FRMPD4: variants seen among roughly 807,000 people sequenced by gnomAD.
FRMPD4 encodes the protein FERM and PDZ domain-containing protein 4.
In FRMPD4, 22 loss-of-function variants were observed where a neutral mutation model predicts 94.1. That is an observed-to-expected ratio of 0.23 (90% confidence interval 0.17 to 0.33). FRMPD4 has a LOEUF of 0.33. Among genes scored for constraint, FRMPD4 ranks in the 10% least tolerant of loss-of-function variants. The pLI, the probability that FRMPD4 is intolerant of heterozygous loss-of-function variation, is 1.00. For synonymous variants in FRMPD4, 631 were observed against 548.6 expected (o/e 1.15, Z -2.10); for missense variants, 1,111 against 1,339.9 (o/e 0.83, Z 2.67).
intron 1 of FRMPD4, among the ~76,000 whole-genome samples, chrX:12,219,574 A>C (rs894381086): frequency 5.4e-5 from 6 of 112,145 alleles, no homozygotes; most frequent in Middle Eastern, 4.6e-3. Context: ...ACTATTAATA[A>C]TGTTTTAAAA....
At chrX:12,421,881 C>T (rs2056888521) in intron 1 of FRMPD4, among the ~76,000 whole-genome samples, 1 of 110,394 alleles carries the variant, frequency 9.1e-6, no homozygotes, top group South Asian at 3.9e-4. Context: ...CGGTTCTTGC[C>T]TTGGATATCT....
intron 4 of FRMPD4, among the ~76,000 whole-genome samples, chrX:12,635,371 C>G (rs1470646607): frequency 9.0e-6 from 1 of 111,232 alleles, no homozygotes; most frequent in Non-Finnish European, 1.9e-5. Context: ...CTGTCTCTGC[C>G]CACTTTCCTG....
In FRMPD4 at chrX:12,707,513, G is replaced by T. The variant is rs766022735; in HGVS notation, c.1332G>T (p.Arg444=). Residue 444 remains arginine (R), a synonymous_variant, in exon 13 of 17, where the codon CGG becomes CGT. Coordinates refer to ENST00000675598, the MANE Select transcript of FRMPD4 (RefSeq NM_001368397.1). The part of the protein sequence containing the change: ...RSEVTLLVGP[R]YGISHVINTK... The stretch of plus-strand genomic sequence containing the variant: ...AAGTGACTCTCCTGGTTGGGCCCCG[G>T]TATGGCATAAGCCATGTCATCAACA... 6 of 1,205,906 alleles carry T rather than the reference G, an allele frequency of 5.0e-6. No homozygotes were observed. Among genetic ancestry groups the T allele is most frequent in the Admixed American group, 2.2e-5 (1 of 45,491 alleles).
intron 10 of FRMPD4, 57 bp downstream of exon 10, chrX:12,702,067 G>C: frequency 8.9e-7 from 1 of 1,128,653 alleles, no homozygotes. Flanking sequence ...CCCTTAGCCC[G>C]GGTGTATTTT....
At chrX:12,527,223 T>G (rs1215673058) in intron 2 of FRMPD4, among the ~76,000 whole-genome samples, 1 of 111,951 alleles carries the variant, frequency 8.9e-6, no homozygotes, top group Non-Finnish European at 1.9e-5. Context: ...TAGTGCTTAA[T>G]TAAAGCTTTT....
chrX:11,931,890 G>A (rs1018944453), intron 3 of FRMPD4, among the ~76,000 whole-genome samples: 1 of 112,233 alleles, frequency 8.9e-6, no homozygotes, highest in Non-Finnish European at 1.9e-5. Flanking sequence ...ATGCAAAAGA[G>A]TTGGCCGTGT....
chrX:12,647,082 G>T (rs759624615), intron 4 of FRMPD4, among the ~76,000 whole-genome samples: 37 of 111,528 alleles, frequency 3.3e-4, no homozygotes, highest in Non-Finnish European at 5.1e-4. Flanking sequence ...AAAATGTGAG[G>T]CCTCAGGACA....
intron 1 of FRMPD4, among the ~76,000 whole-genome samples, chrX:12,232,743 A>C (rs1164351837): frequency 8.9e-6 from 1 of 111,787 alleles, no homozygotes; most frequent in Non-Finnish European, 1.9e-5. Flanking sequence ...CAATTTATTA[A>C]ACGACCAGAG....
chrX:12,491,994 A>G (rs748694321), intron 1 of FRMPD4, among the ~76,000 whole-genome samples: 11 of 112,353 alleles, frequency 9.8e-5, no homozygotes, highest in African/African-American at 3.5e-4. Flanking sequence ...CCATTCTACT[A>G]TGCTATCTCC....
chrX:12,381,992 G>A (rs1295365694), intron 1 of FRMPD4, among the ~76,000 whole-genome samples: 1 of 110,760 alleles, frequency 9.0e-6, no homozygotes. Flanking sequence ...CTGGGGAAGA[G>A]CAAGAAGACC....
intron 2 of FRMPD4, among the ~76,000 whole-genome samples, chrX:12,540,827 C>A (rs1449968635): frequency 8.9e-6 from 1 of 111,759 alleles, no homozygotes; most frequent in Non-Finnish European, 1.9e-5. Context: ...CAAAATTGAC[C>A]ACATAGTTGG....
At chrX:12,259,860 G>A (rs1183969913) in intron 1 of FRMPD4, among the ~76,000 whole-genome samples, 3 of 111,002 alleles carry the variant, frequency 2.7e-5, no homozygotes, top group Non-Finnish European at 5.7e-5. Flanking sequence ...TGACCCTGTG[G>A]GCTATACAGT....
intron 2 of FRMPD4, among the ~76,000 whole-genome samples, chrX:12,547,086 C>T (rs923921880): frequency 2.9e-5 from 3 of 102,572 alleles, no homozygotes; most frequent in Admixed American, 2.2e-4. Flanking sequence ...GTTATGGCTG[C>T]GGTGGGGATT....
chrX:12,031,087 A>C (rs1485416945), intron 3 of FRMPD4, among the ~76,000 whole-genome samples: 2 of 112,298 alleles, frequency 1.8e-5, no homozygotes, highest in East Asian at 5.6e-4. Context: ...ATAATGTAAC[A>C]ACACCAATGT....
chrX:12,206,430 A>C (rs781386284), intron 1 of FRMPD4, among the ~76,000 whole-genome samples: 1 of 111,948 alleles, frequency 8.9e-6, no homozygotes, highest in Non-Finnish European at 1.9e-5. Flanking sequence ...ACCCTACTGT[A>C]GAATCTAAAG....
At chrX:11,825,016 TTTC>T (rs2053433605) in intron 1 of FRMPD4, among the ~76,000 whole-genome samples, 3 of 111,232 alleles carry the variant, frequency 2.7e-5, no homozygotes, top group Non-Finnish European at 3.8e-5. Context: ...CCTTTACATG[TTTC>T]TTCTTCTTTC....
intron 1 of FRMPD4, among the ~76,000 whole-genome samples, chrX:12,225,467 G>T (rs1365152426): frequency 8.9e-6 from 1 of 112,194 alleles, no homozygotes; most frequent in Non-Finnish European, 1.9e-5. Flanking sequence ...TTACATAACT[G>T]AGTGAAGCTA....
chrX:12,521,086 A>C (rs1351887983), intron 2 of FRMPD4, among the ~76,000 whole-genome samples: 1 of 112,371 alleles, frequency 8.9e-6, no homozygotes, highest in African/African-American at 3.2e-5. Flanking sequence ...CTTTACAGAC[A>C]CTGAAATTTG....
At chrX:12,406,719 G>C (rs2056671128) in intron 1 of FRMPD4, among the ~76,000 whole-genome samples, 1 of 112,238 alleles carries the variant, frequency 8.9e-6, no homozygotes, top group Non-Finnish European at 1.9e-5. Flanking sequence ...CCAACCATGA[G>C]CTTGGATTGG....
Sources: allele counts gnomAD v4.1 joint callset (sites outside exome capture counted in the v4.1 genomes callset), GRCh38; gene constraint gnomAD v4.1.1; transcripts MANE v1.5; gene names NCBI Gene and HGNC (gene_info 2026-07-23, HGNC 2026-07-21).